FAM91A1: variants seen among roughly 807,000 people sequenced by gnomAD.
The protein encoded by FAM91A1 is family with sequence similarity 91 member A1.
A neutral mutation model predicts 113.5 loss-of-function variants in FAM91A1; 41 were observed. That is an observed-to-expected ratio of 0.36 (90% CI 0.28 to 0.47). The LOEUF (loss-of-function observed/expected upper bound fraction) is 0.47, where lower values mean the gene tolerates loss of function less well. Ranked by LOEUF, FAM91A1 falls within the 20% of genes least tolerant of loss-of-function variation. The pLI is 1.00. For missense variants in FAM91A1, 696 were observed against 1,001.2 expected (o/e 0.70, Z 4.11); for synonymous variants, 307 against 347.9 (o/e 0.88, Z 1.31).
Position 123,780,550 on chromosome 8 carries a change from C to T in FAM91A1, c.703+8C>T, listed in dbSNP as rs562620466. ...ATGACAGTTGTATAGCAGGTAAGTCCGTGCTAACATTTTTCACTGTTTTTT... is the reference window on the plus strand; with the variant it reads ...ATGACAGTTGTATAGCAGGTAAGTCTGTGCTAACATTTTTCACTGTTTTTT... On this transcript the variant is annotated splice_region_variant and intron_variant, in intron 8 of 23. Coordinates refer to ENST00000334705, the MANE Select transcript of FAM91A1 (RefSeq NM_144963.4). The T allele has an allele frequency of 3.5e-5, 56 of 1,607,318 alleles. No individual in the cohort carries two copies. The South Asian group carries it at 3.6e-4, about 10-fold the overall frequency.
In FAM91A1 at chr8:123,787,708, C is replaced by T; in HGVS notation, c.1236C>T (p.Leu412=). 6.2e-7 allele frequency: 1 copy of T among 1,612,988 alleles called. No homozygotes were observed. The highest frequency in any genetic ancestry group is 1.1e-5 in the South Asian group (1 of 90,904). The change falls in exon 14 of 24, where the codon CTC becomes CTT. Residue 412 remains leucine (L), a synonymous_variant. Transcript: ENST00000334705. ...TCACAATGTTTGAAGTAGGCAAACTCTCAGATGAGTCTCTGGACAGCTTTC... is the reference window on the plus strand; with the variant it reads ...TCACAATGTTTGAAGTAGGCAAACTTTCAGATGAGTCTCTGGACAGCTTTC... ...HAVTMFEVGK[L]SDESLDSFLI...
chr8:123,777,380 G>A, intron 4 of FAM91A1, 58 bp downstream of exon 4: 2 of 1,451,552 alleles, frequency 1.4e-6, no homozygotes, highest in South Asian at 2.4e-5. Context: ...TGTGCATCCT[G>A]TCATCTGTGA....
chr8:123,772,942 C>A (rs1454898969), intron 1 of FAM91A1, among the ~76,000 whole-genome samples: 1 of 152,128 alleles, frequency 6.6e-6, no homozygotes. Context: ...CTTCTCTTCA[C>A]ATCAAGTAGG....
At chr8:123,780,965 A>C (rs186550795) in intron 8 of FAM91A1, among the ~76,000 whole-genome samples, 10 of 151,910 alleles carry the variant, frequency 6.6e-5, no homozygotes, top group African/African-American at 9.7e-5. Context: ...TCCTTTACCT[A>C]CTTCTCCAAG....
At chr8:123,790,990 G>A (rs72715039) in intron 15 of FAM91A1, among the ~76,000 whole-genome samples, 2,341 of 152,266 alleles carry the variant, frequency 0.015, 36 homozygotes, top group Middle Eastern at 0.024. Flanking sequence ...ACAGTCTTGA[G>A]GATGTCTTTG....
chr8:123,781,474 A>ATTTT (rs35842167), intron 8 of FAM91A1, among the ~76,000 whole-genome samples: 2 of 121,274 alleles, frequency 1.6e-5, no homozygotes, highest in Non-Finnish European at 3.3e-5. Flanking sequence ...GCATATGTGA[A>ATTTT]TTTTTTTTTT....
rs1377001934 is a variant in FAM91A1 at position 123,814,824 on chromosome 8, C to T, written c.*2120C>T. 1 of 152,634 alleles carries T rather than the reference C, an allele frequency of 6.6e-6. No individual in the cohort carries two copies. The highest frequency in any genetic ancestry group is 6.5e-5 in the Admixed American group (1 of 15,270). The allele number at this position is 152,634 out of a possible 1,614,324, so 9.5% of individuals were successfully genotyped here. A position where few individuals can be genotyped will look rare whatever the true frequency, so the allele number is the denominator to read the frequency against. On this transcript the variant is annotated 3_prime_UTR_variant, in exon 24 of 24. Transcript: ENST00000334705. The stretch of plus-strand genomic sequence containing the variant: ...CATTAACTCATGTAATCTCTTAAAT[C>T]TTACAAGCATTGATCCATTTCAACA...
At chr8:123,793,118 A>G (rs1384323214) in intron 15 of FAM91A1, among the ~76,000 whole-genome samples, 1 of 151,870 alleles carries the variant, frequency 6.6e-6, no homozygotes, top group African/African-American at 2.4e-5. Context: ...CCTATACCTC[A>G]CCCTGTCATC....
In FAM91A1 at chr8:123,815,235, T is replaced by G. The variant is rs1816045978; in HGVS notation, c.*2531T>G. The G allele has an allele frequency of 6.6e-6, 1 of 152,584 alleles. No homozygotes were observed. Among genetic ancestry groups the G allele is most frequent in the African/African-American group, 2.4e-5 (1 of 41,458 alleles). 9.5% of individuals were successfully genotyped at this position (152,584 alleles called of 1,614,324 possible). A position where few individuals can be genotyped will look rare whatever the true frequency, so the allele number is the denominator to read the frequency against. On this transcript the variant is annotated 3_prime_UTR_variant, in exon 24 of 24. Transcript: ENST00000334705. ...TTTCTTTTACTTGTTGTTTTCAGTT[T>G]TCTCTGCCATTCATGTTTCTTTTTT...
rs770663493 is a variant in FAM91A1, at chr8:123,780,072, C to T, written c.637C>T (p.His213Tyr). Reference sequence around the variant, plus strand: ...TGGATCACTAGATTACAATGTAGTACATAGTAAGTGGTTAGTAGAAATGGT... The same window carrying T: ...TGGATCACTAGATTACAATGTAGTATATAGTAAGTGGTTAGTAGAAATGGT... Reference protein sequence around the residue: ...LSGSLDYNVVHSLYNKGFIYL... With the variant: ...LSGSLDYNVVYSLYNKGFIYL... Residue 213 changes from histidine (H) to tyrosine (Y), a missense_variant, in exon 7 of 24, where the codon CAT becomes TAT. Transcript: ENST00000334705. 2 of 1,610,524 alleles carry T rather than the reference C, an allele frequency of 1.2e-6. No homozygotes were observed. Among genetic ancestry groups the T allele is most frequent in the Non-Finnish European group, 8.5e-7 (1 of 1,177,896 alleles).
At chr8:123,808,792 A>C (rs191469993) in intron 21 of FAM91A1, 101 bp from the exon 22 acceptor site, 1 of 1,166,220 alleles carries the variant, frequency 8.6e-7, no homozygotes, top group East Asian at 2.7e-5. Context: ...GGGCAGGAGG[A>C]ATCTATGAAC....
chr8:123,795,195 A>G (rs1815482327), intron 15 of FAM91A1, among the ~76,000 whole-genome samples: 1 of 152,224 alleles, frequency 6.6e-6, no homozygotes, highest in East Asian at 1.9e-4. Flanking sequence ...GGCTTAAAAA[A>G]TGTTAAGATA....
chr8:123,809,505 G>C (rs541042520), intron 22 of FAM91A1, among the ~76,000 whole-genome samples: 1 of 152,272 alleles, frequency 6.6e-6, no homozygotes, highest in South Asian at 2.1e-4. Context: ...TGACATGTAG[G>C]TTTTATCTTA....
At chr8:123,775,395 G>A (rs757465424) in intron 3 of FAM91A1, 97 bp downstream of exon 3, 64 of 1,408,594 alleles carry the variant, frequency 4.5e-5, no homozygotes, top group Non-Finnish European at 5.6e-5. Context: ...TGTCGTCTGC[G>A]GTGGACACTC....
intron 15 of FAM91A1, among the ~76,000 whole-genome samples, chr8:123,792,002 TC>T (rs1815397662): frequency 4.6e-5 from 7 of 152,082 alleles, no homozygotes; most frequent in Non-Finnish European, 7.4e-5. Context: ...TGGTGAAAAC[TC>T]GTGTTTACTA....
intron 15 of FAM91A1, among the ~76,000 whole-genome samples, chr8:123,796,174 A>G (rs1023335525): frequency 6.6e-6 from 1 of 152,216 alleles, no homozygotes; most frequent in African/African-American, 2.4e-5. Flanking sequence ...TCAGGGGGTT[A>G]TAATGACCTT....
intron 20 of FAM91A1, 107 bp downstream of exon 20, chr8:123,806,336 A>T: frequency 1.7e-6 from 2 of 1,154,278 alleles, no homozygotes; most frequent in Non-Finnish European, 2.4e-6. Context: ...GAATTATTGA[A>T]TACTCAATAT....
rs762751578 is a variant in FAM91A1, at chr8:123,812,583, C to T, written c.2396C>T (p.Ser799Leu). 3.1e-6 allele frequency: 5 copies of T among 1,608,686 alleles called. No individual in the cohort carries two copies. The highest frequency in any genetic ancestry group is 4.2e-6 in the Non-Finnish European group (5 of 1,177,940). ...PSFSSLLSQS[S>L]CADMGVPLPA... Reference sequence around the variant, plus strand: ...TTTTCAAGTTTGCTTTCACAGTCATCGTGTGCTGACATGGGTGTTCCACTT... The same window carrying T: ...TTTTCAAGTTTGCTTTCACAGTCATTGTGTGCTGACATGGGTGTTCCACTT... The change falls in exon 24 of 24, where the codon TCG becomes TTG. Residue 799 changes from serine to leucine, a missense_variant. Transcript: ENST00000334705.
chr8:123,805,397 A>G (rs1815779382), intron 19 of FAM91A1, 58 bp downstream of exon 19: 12 of 1,330,812 alleles, frequency 9.0e-6, no homozygotes, highest in Non-Finnish European at 1.3e-5. Flanking sequence ...ACTCATGTCA[A>G]CAGTTTGGTG....
Sources: gnomAD v4.1 joint callset for allele counts (sites outside exome capture counted in the v4.1 genomes callset) on GRCh38, gnomAD v4.1.1 for gene constraint, MANE v1.5 for transcripts, NCBI Gene and HGNC (gene_info 2026-07-23, HGNC 2026-07-21) for gene names.